Variants in KCNQ1 observed in about 807,000 individuals in gnomAD.
KCNQ1 encodes potassium voltage-gated channel subfamily Q member 1, also known as potassium voltage-gated channel subfamily KQT member 1.
KCNQ1 carries 49 observed loss-of-function variants against 72.4 expected under a neutral mutation model. The observed-to-expected ratio is 0.68, with a 90% CI of 0.54 to 0.86. The LOEUF is 0.86. Among genes scored for constraint, KCNQ1 ranks in the 40% least tolerant of loss-of-function variants. The pLI is 0.00. For synonymous variants in KCNQ1, 450 were observed against 412.6 expected, an observed-to-expected ratio of 1.09 and a Z score of -1.10; for missense variants, 790 against 945.1, an observed-to-expected ratio of 0.84 and a Z score of 2.15.
rs144329000 is a variant in KCNQ1 at position 2,735,747 on chromosome 11, C to A, written c.1515-33097C>A. ...GCAGGGCTGGGTCCTCCTGCAGCCT[C>A]TCTCCGTGGCTTGTAGACATCACCT... On this transcript the variant is annotated intron_variant, in intron 11 of 15. Coordinates refer to ENST00000155840, the MANE Select transcript of KCNQ1 (RefSeq NM_000218.3). This position sits in a 1 kb window ranked among gnomAD's most constrained non-coding sequence, Gnocchi z 7.7. Among the ~76,000 whole-genome samples the A allele has an allele frequency of 6.3e-3, 964 of 152,260 alleles. 10 individuals carry two copies. The highest frequency in any genetic ancestry group is 0.022 in the African/African-American group (916 of 41,542).
At chr11:2,833,400 C>T (rs1314088114) in intron 15 of KCNQ1, among the ~76,000 whole-genome samples, 3 of 152,186 alleles carry the variant, frequency 2.0e-5, no homozygotes, top group Non-Finnish European at 2.9e-5. Context: ...GATCCCAGAG[C>T]CCCTTGGGAC....
intron 11 of KCNQ1, chr11:2,684,618 A>C (rs1314832668): frequency 2.5e-6 from 1 of 398,600 alleles, no homozygotes; most frequent in East Asian, 3.6e-5. Context: ...CCTGGATTTG[A>C]GGCTAAGCCT....
chr11:2,771,737 C>CAG (rs371076142), intron 12 of KCNQ1, among the ~76,000 whole-genome samples: 15 of 150,550 alleles, frequency 1.0e-4, no homozygotes, highest in East Asian at 3.9e-4. Context: ...GGGAGAGGGA[C>CAG]AGAGAGAGAG....
chr11:2,841,715 C>T (rs11024304), intron 15 of KCNQ1, among the ~76,000 whole-genome samples: 11,207 of 152,234 alleles, frequency 0.074, 638 homozygotes, highest in East Asian at 0.21. Context: ...AGGAAGGGAA[C>T]GAGGGTCGTG....
chr11:2,522,331 C>T (rs924685798), intron 1 of KCNQ1, among the ~76,000 whole-genome samples: 10 of 152,186 alleles, frequency 6.6e-5, no homozygotes, highest in South Asian at 2.1e-4. Context: ...CTTCCCACTC[C>T]GAGTCCAAAA....
intron 1 of KCNQ1, among the ~76,000 whole-genome samples, chr11:2,506,898 A>G (rs1847114013): frequency 6.6e-6 from 1 of 152,066 alleles, no homozygotes; most frequent in African/African-American, 2.4e-5. Flanking sequence ...TCTCATTTCC[A>G]ACTTCTTCCA....
chr11:2,545,938 C>G (rs1847897161), intron 2 of KCNQ1, among the ~76,000 whole-genome samples: 1 of 152,058 alleles, frequency 6.6e-6, no homozygotes, highest in Non-Finnish European at 1.5e-5. Context: ...AAAGTTTTAG[C>G]AAATTTATGG....
intron 6 of KCNQ1, among the ~76,000 whole-genome samples, chr11:2,573,255 G>T (rs535641592): frequency 2.6e-5 from 4 of 152,190 alleles, no homozygotes; most frequent in African/African-American, 2.4e-5. Flanking sequence ...GGGGTCACTG[G>T]AGCGTGTGTT....
intron 10 of KCNQ1, chr11:2,641,989 C>T: frequency 2.5e-6 from 1 of 398,376 alleles, no homozygotes; most frequent in East Asian, 3.6e-5. Flanking sequence ...ATTGGTCTAT[C>T]AGTTTTTATT....
intron 11 of KCNQ1, among the ~76,000 whole-genome samples, chr11:2,733,861 C>CTTT (rs1182307011): frequency 8.5e-6 from 1 of 117,820 alleles, no homozygotes; most frequent in East Asian, 2.3e-4. Flanking sequence ...CTCTCTCCCC[C>CTTT]CCCACTTCAG....
At chr11:2,568,007 G>A (rs2078761) in intron 2 of KCNQ1, among the ~76,000 whole-genome samples, 1 of 152,110 alleles carries the variant, frequency 6.6e-6, no homozygotes, top group African/African-American at 2.4e-5. Context: ...GGTGGCTCAC[G>A]CTTATAATCC....
intron 15 of KCNQ1, among the ~76,000 whole-genome samples, chr11:2,821,545 C>A (rs1355347643): frequency 4.6e-5 from 7 of 152,156 alleles, no homozygotes; most frequent in Non-Finnish European, 8.8e-5. Flanking sequence ...GAGGGCAGAG[C>A]CCCACTGACC....
chr11:2,449,478 C>T (rs953655231), intron 1 of KCNQ1, among the ~76,000 whole-genome samples: 5 of 152,196 alleles, frequency 3.3e-5, no homozygotes, highest in South Asian at 4.1e-4. Flanking sequence ...GCTTTTGGGC[C>T]GGCCAGTGCG....
intron 2 of KCNQ1, among the ~76,000 whole-genome samples, chr11:2,570,312 G>A (rs999572036): frequency 1.3e-5 from 2 of 152,220 alleles, no homozygotes; most frequent in Admixed American, 6.5e-5. Context: ...CCAAGCTGGG[G>A]TTCCTGGTGT....
At chr11:2,662,651 C>T (rs1160909897) in intron 11 of KCNQ1, 1 of 407,628 alleles carries the variant, frequency 2.5e-6, no homozygotes, top group Non-Finnish European at 4.3e-6. Flanking sequence ...GGTGTGATTC[C>T]CCTGCGACAT....
rs957664318 is a variant in KCNQ1 at position 2,624,700 on chromosome 11, G to C, written c.1393+35846G>C. 2 of 398,444 alleles carry C rather than the reference G, an allele frequency of 5.0e-6. No homozygotes were observed. The highest frequency in any genetic ancestry group is 8.8e-5 in the Admixed American group (2 of 22,720). The allele number at this position is 398,444 out of a possible 1,614,324, so 24.7% of individuals were successfully genotyped here. A position where few individuals can be genotyped will look rare whatever the true frequency, so the allele number is the denominator to read the frequency against. On this transcript the variant is annotated intron_variant, in intron 10 of 15. Coordinates refer to ENST00000155840, the MANE Select transcript of KCNQ1 (RefSeq NM_000218.3). The surrounding 1 kb of genome is among the most constrained non-coding windows in gnomAD (Gnocchi z 4.9). ...TCCATCTCCATAACACTTGTCATTT[G>C]TAATTATGAAACTCTATATCCATTA...
Position 2,734,350 on chromosome 11 carries a change from T to C in KCNQ1, c.1515-34494T>C, listed in dbSNP as rs2283221. ...GTGAGGTGGCGGGGAGCACCAAGGGTAGAGGCAGGGGAGCAATGGATGGGT... is the reference window on the plus strand; with the variant it reads ...GTGAGGTGGCGGGGAGCACCAAGGGCAGAGGCAGGGGAGCAATGGATGGGT... On this transcript the variant is annotated intron_variant, in intron 11 of 15. Transcript: ENST00000155840. This position sits in a 1 kb window ranked among gnomAD's most constrained non-coding sequence, Gnocchi z 7.0. 0.29 allele frequency among the ~76,000 whole-genome samples: 44,598 copies of C among 151,832 alleles called. 6,752 individuals are homozygous for C. The highest frequency in any genetic ancestry group is 0.36 in the Middle Eastern group (105 of 294).
At chr11:2,699,487 GGGAGAGTGCCGCGCTGAGGAGCCCCCA>G (rs562085347) in intron 11 of KCNQ1, 140,935 of 402,384 alleles carry the variant, frequency 0.35, 28,482 homozygotes, top group East Asian at 0.83. Flanking sequence ...GGAGCCCCCG[GGGAGAGTGCCGCGCTGAGGAGCCCCCA>G]GGAGAGTGCC....
Position 2,784,966 on chromosome 11 carries a change from T to G in KCNQ1, c.1794+6929T>G, listed in dbSNP as rs1846885511. Among the ~76,000 whole-genome samples, 1 of 152,170 alleles carries G rather than the reference T, an allele frequency of 6.6e-6. No homozygotes were observed. The highest frequency in any genetic ancestry group is 1.5e-5 in the Non-Finnish European group (1 of 67,858). ...TTTCTACATATAGGATCATGTCTTG[T>G]GGCAATAAAGACAATTTTTACTTCT... On this transcript the variant is annotated intron_variant, in intron 15 of 15. Coordinates refer to ENST00000155840, the MANE Select transcript of KCNQ1 (RefSeq NM_000218.3). The surrounding 1 kb of genome is among the most constrained non-coding windows in gnomAD (Gnocchi z 4.7).
Sources: allele counts gnomAD v4.1 joint callset (sites outside exome capture counted in the v4.1 genomes callset), GRCh38; gene constraint gnomAD v4.1.1; non-coding constraint Gnocchi (gnomAD v3.1); transcripts MANE v1.5; gene names NCBI Gene and HGNC (gene_info 2026-07-23, HGNC 2026-07-21).